The following SPTB variants were observed in gnomAD, a reference collection of about 807,000 sequenced individuals.
The protein encoded by SPTB is spectrin beta chain, erythrocytic.
SPTB carries 45 observed loss-of-function variants against 256.2 expected under a neutral mutation model. That is an observed-to-expected ratio of 0.18 (90% confidence interval 0.14 to 0.23). The LOEUF is 0.23. Among genes scored for constraint, SPTB ranks in the 10% least tolerant of loss-of-function variants. SPTB has a pLI of 1.00. For missense variants in SPTB, 2,715 were observed against 3,040.4 expected, an observed-to-expected ratio of 0.89 and a Z score of 2.52; for synonymous variants, 1,231 against 1,243.1, an observed-to-expected ratio of 0.99 and a Z score of 0.21.
intron 25 of SPTB, 54 bp downstream of exon 25, chr14:64,773,166 C>A: frequency 6.2e-7 from 1 of 1,608,408 alleles, no homozygotes; most frequent in Non-Finnish European, 8.5e-7. Flanking sequence ...TGACGGCTGG[C>A]TGCGTCTACC....
intron 32 of SPTB, among the ~76,000 whole-genome samples, chr14:64,762,784 C>A (rs1176114132): frequency 6.6e-6 from 1 of 152,204 alleles, no homozygotes; most frequent in African/African-American, 2.4e-5. Context: ...CGAGGGGGCA[C>A]CCAGCAGCTG....
rs1367842585 is a variant in SPTB at position 64,823,087 on chromosome 14, G to A, written c.8C>T (p.Ser3Leu). Reference sequence around the variant, plus strand: ...GCCCACATTTTCAAACTCTGTGGCCGATGTCATGTCAGCAGGCTCTTAGCA... The same window carrying A: ...GCCCACATTTTCAAACTCTGTGGCCAATGTCATGTCAGCAGGCTCTTAGCA... MT[S>L]ATEFENVGNQ... is the part of the protein sequence containing the mutation. Residue 3 changes from serine to leucine, a missense_variant, in exon 2 of 36, where the codon TCG becomes TTG. Ser to Leu is a moderately radical substitution (Grantham distance 145). Transcript: ENST00000644917. This position sits in a 1 kb window ranked among gnomAD's most constrained non-coding sequence, Gnocchi z 6.5. The A allele has an allele frequency of 9.9e-6, 16 of 1,614,034 alleles. No individual in the cohort carries two copies. The highest frequency in any genetic ancestry group is 1.3e-5 in the African/African-American group (1 of 74,936).
At chr14:64,849,609 C>T (rs531999158) in intron 1 of SPTB, among the ~76,000 whole-genome samples, 3 of 152,314 alleles carry the variant, frequency 2.0e-5, no homozygotes, top group Admixed American at 1.3e-4. Context: ...ATAGAATCTT[C>T]CTCATTTCAG....
At chr14:64,784,447 C>G (rs1224302925) in intron 18 of SPTB, 54 bp from the exon 19 acceptor site, 13 of 1,606,884 alleles carry the variant, frequency 8.1e-6, no homozygotes, top group Non-Finnish European at 1.1e-5. Context: ...TTTGGCAGAG[C>G]AGAACCTGCT....
In SPTB at chr14:64,823,688, A is replaced by T. The variant is rs2083334210; in HGVS notation, c.-51-543T>A. 6.6e-6 allele frequency among the ~76,000 whole-genome samples: 1 copy of T among 152,206 alleles called. No homozygotes were observed. Among genetic ancestry groups the T allele is most frequent in the Non-Finnish European group, 1.5e-5 (1 of 68,030 alleles). On this transcript the variant is annotated intron_variant, in intron 1 of 35. Transcript: ENST00000644917. This position sits in a 1 kb window ranked among gnomAD's most constrained non-coding sequence, Gnocchi z 6.5. ...GCCACTGACGCCACCAGCCCGGGGC[A>T]GCTGCACTGGGGGGACTTCACTCCT...
intron 1 of SPTB, among the ~76,000 whole-genome samples, chr14:64,876,604 T>A (rs1882837456): frequency 6.6e-6 from 1 of 152,200 alleles, no homozygotes; most frequent in Non-Finnish European, 1.5e-5. Context: ...ACTTAAGATT[T>A]CTTGTCTCTA....
chr14:64,753,439 T>TC, intron 33 of SPTB, 98 bp downstream of exon 33: 2 of 1,584,414 alleles, frequency 1.3e-6, no homozygotes, highest in Non-Finnish European at 1.7e-6. Flanking sequence ...AAGGCACCCC[T>TC]CCCCCAGCAC....
At chr14:64,800,176 C>G (rs1301675771) in intron 8 of SPTB, among the ~76,000 whole-genome samples, 1 of 152,230 alleles carries the variant, frequency 6.6e-6, no homozygotes. Context: ...GGGTTGGGTG[C>G]AGTTCCCCTC....
chr14:64,766,956 G>A (rs1236400576), intron 31 of SPTB, among the ~76,000 whole-genome samples, 155 bp from the exon 32 acceptor site: 2 of 152,102 alleles, frequency 1.3e-5, no homozygotes, highest in African/African-American at 4.8e-5. Flanking sequence ...GCAAGGAGCC[G>A]CCCAGCGACT....
Position 64,857,830 on chromosome 14 carries a change from G to A in SPTB, c.-52+21962C>T, listed in dbSNP as rs570127484. Reference sequence around the variant, plus strand: ...TGGGATCCATTTCTAATAGGACCTTGGATACATCAATTCTTTGATCCCTTA... The same window carrying A: ...TGGGATCCATTTCTAATAGGACCTTAGATACATCAATTCTTTGATCCCTTA... On this transcript the variant is annotated intron_variant, in intron 1 of 35. Transcript: ENST00000644917. Among the ~76,000 whole-genome samples the A allele has an allele frequency of 3.6e-4, 55 of 152,132 alleles. 1 individual carries two copies. In the Middle Eastern group the frequency reaches 0.014, roughly 38 times the overall value.
chr14:64,864,370 G>A (rs908294655), intron 1 of SPTB, among the ~76,000 whole-genome samples: 2 of 152,060 alleles, frequency 1.3e-5, no homozygotes. Context: ...AATCACTTGA[G>A]CCCAGGAGTT....
rs1048251625 is a variant in SPTB, at chr14:64,792,336, G to A, written c.2667-480C>T. Among the ~76,000 whole-genome samples the A allele has an allele frequency of 1.3e-5, 2 of 152,140 alleles. No homozygotes were observed. Among genetic ancestry groups the A allele is most frequent in the African/African-American group, 4.8e-5 (2 of 41,426 alleles). The stretch of plus-strand genomic sequence containing the variant: ...AGGAAAAGCTGCTGGGGCGGTGGTC[G>A]GGGGGAATTTGTGGTTCTGAAGGCC... On this transcript the variant is annotated intron_variant, in intron 14 of 35. Transcript: ENST00000644917. The surrounding 1 kb of genome is among the most constrained non-coding windows in gnomAD (Gnocchi z 4.2).
In SPTB at chr14:64,778,695, A is replaced by C. The variant is rs533516215; in HGVS notation, c.4563+462T>G. Among the ~76,000 whole-genome samples, 12 of 152,258 alleles carry C rather than the reference A, an allele frequency of 7.9e-5. No individual in the cohort carries two copies. The South Asian group carries it at 2.5e-3, about 32-fold the overall frequency. On this transcript the variant is annotated intron_variant, in intron 22 of 35. Coordinates refer to ENST00000644917, the MANE Select transcript of SPTB (RefSeq NM_001355436.2). The surrounding 1 kb of genome is among the most constrained non-coding windows in gnomAD (Gnocchi z 5.2). ...ATTTGAGCCCCACAAGTATCCTCAT[A>C]TGTCGAGAGAAATGGGGCCTACTTA...
At chr14:64,801,485 C>T in intron 6 of SPTB, 85 bp from the exon 7 acceptor site, 1 of 1,046,040 alleles carries the variant, frequency 9.6e-7, no homozygotes, top group Non-Finnish European at 1.5e-6. Flanking sequence ...AGACATTGTA[C>T]AGAGGCAGGG....
In SPTB at chr14:64,834,885, C is replaced by A. The variant is rs1393314380; in HGVS notation, c.-51-11740G>T. Among the ~76,000 whole-genome samples the A allele has an allele frequency of 2.6e-5, 4 of 152,194 alleles. No homozygotes were observed. The South Asian group carries it at 8.3e-4, about 31-fold the overall frequency. ...TTAGTTGAGAAGTCTTTTATAGTTTCTTTCTCGTGTCACAGAAATGTCAGT... is the reference window on the plus strand; with the variant it reads ...TTAGTTGAGAAGTCTTTTATAGTTTATTTCTCGTGTCACAGAAATGTCAGT... On this transcript the variant is annotated intron_variant, in intron 1 of 35. Transcript: ENST00000644917.
Position 64,773,377 on chromosome 14 carries a change from C to T in SPTB, c.5021G>A (p.Gly1674Glu), listed in dbSNP as rs773895447. The T allele has an allele frequency of 2.7e-5, 44 of 1,614,066 alleles. No homozygotes were observed. The highest frequency in any genetic ancestry group is 3.5e-5 in the Non-Finnish European group (41 of 1,180,048). The part of the protein sequence containing the change: ...LQGQVDKHYA[G>E]LKDVAEERKR... The stretch of plus-strand genomic sequence containing the variant: ...GCGCTCTTCCGCCACGTCCTTCAGC[C>T]CTGCGTAGTGCTTGTCCACTTGCCC... The change falls in exon 25 of 36, where the codon GGG (glycine) becomes GAG (glutamate). Residue 1674 changes from glycine to glutamate, a missense_variant. Physicochemically the swap from Gly to Glu is moderately conservative, Grantham distance 98. Around this residue, in one of 4 missense-constraint regions of SPTB, gnomAD observed 2,239 missense variants for 2,384.4 expected, o/e 0.94. Coordinates refer to ENST00000644917, the MANE Select transcript of SPTB (RefSeq NM_001355436.2).
At chr14:64,767,498 G>A (rs921701327) in intron 30 of SPTB, 146 bp from the exon 31 acceptor site, 28 of 1,395,278 alleles carry the variant, frequency 2.0e-5, no homozygotes, top group Admixed American at 1.5e-4. Flanking sequence ...CTTTGCATTC[G>A]GAGGTCAGTA....
intron 1 of SPTB, among the ~76,000 whole-genome samples, chr14:64,872,746 C>G (rs1000766448): frequency 2.0e-5 from 3 of 152,154 alleles, no homozygotes; most frequent in African/African-American, 7.2e-5. Flanking sequence ...GTGGGAGGGA[C>G]CCGGTGGGAG....
chr14:64,846,210 C>T (rs143068403), intron 1 of SPTB, among the ~76,000 whole-genome samples: 7 of 152,280 alleles, frequency 4.6e-5, no homozygotes, highest in Admixed American at 1.3e-4. Context: ...AAAGACTACA[C>T]GGTAATTAAA....
Sources: gnomAD v4.1 joint callset for allele counts (sites outside exome capture counted in the v4.1 genomes callset) on GRCh38, gnomAD v4.1.1 for gene constraint, gnomAD v4.1.1 regional missense constraint, Gnocchi (gnomAD v3.1) non-coding constraint, MANE v1.5 for transcripts, NCBI Gene and HGNC (gene_info 2026-07-23, HGNC 2026-07-21) for gene names.